C21orf58: variants seen among roughly 807,000 people sequenced by gnomAD.
The protein encoded by C21orf58 is uncharacterized protein C21orf58.
In C21orf58, 34 loss-of-function variants were observed where a neutral mutation model predicts 35.8. That is an observed-to-expected ratio of 0.95 (90% CI 0.72 to 1.26). The LOEUF is 1.26. Ranked by LOEUF, C21orf58 falls within the 50% of genes most tolerant of loss-of-function variation. The probability of loss-of-function intolerance (pLI) is 0.00; values close to 1 mark genes in which losing one functional copy is unlikely to be tolerated. For synonymous variants in C21orf58, 191 were observed against 175.8 expected, an observed-to-expected ratio of 1.09 and a Z score of -0.68; for missense variants, 440 against 414.3, an observed-to-expected ratio of 1.06 and a Z score of -0.54.
Position 46,322,952 on chromosome 21 carries a change from G to GC in C21orf58, c.-215dup. The GC allele has an allele frequency of 2.4e-6, 1 of 414,534 alleles. No homozygotes were observed. Among genetic ancestry groups the GC allele is most frequent in the Non-Finnish European group, 4.2e-6 (1 of 237,132 alleles). The allele number at this position is 414,534 out of a possible 1,614,324, so 25.7% of individuals were successfully genotyped here. A position where few individuals can be genotyped will look rare whatever the true frequency, so the allele number is the denominator to read the frequency against. On this transcript the variant is annotated 5_prime_UTR_variant, in exon 1 of 8. An upstream open reading frame in the 5' UTR loses its in-frame stop. Coordinates refer to ENST00000291691, the MANE Select transcript of C21orf58 (RefSeq NM_058180.5). Reference sequence around the variant, plus strand: ...CACGGCCCTCCACGACGAACCTTTTGCAAGTGAAGGCGCACGAACAGGCCC... The same window carrying GC: ...CACGGCCCTCCACGACGAACCTTTTGCCAAGTGAAGGCGCACGAACAGGCCC...
chr21:46,305,501 G>T (rs1408370740), intron 6 of C21orf58, among the ~76,000 whole-genome samples: 2 of 151,634 alleles, frequency 1.3e-5, no homozygotes, highest in Non-Finnish European at 2.9e-5. Context: ...AACTAATTTT[G>T]ATATGTTTTG....
chr21:46,314,794 C>G lies in C21orf58; in HGVS notation c.531G>C (p.Glu177Asp). ...TGGGTAGGATGCCCGTGGGGGGCAG[C>G]TCTGGGGGCAGGGCTGACCCGAGGG... The part of the protein sequence containing the change: ...RGALGSALPP[E>D]LPPTGILPTA... The change falls in exon 5 of 8, where the codon GAG (glutamate) becomes GAC (aspartate). Residue 177 changes from glutamate to aspartate, a missense_variant. Glu to Asp is a conservative substitution (Grantham distance 45). Transcript: ENST00000291691. 2 of 1,539,542 alleles carry G rather than the reference C, an allele frequency of 1.3e-6. No homozygotes were observed. Among genetic ancestry groups the G allele is most frequent in the Non-Finnish European group, 1.8e-6 (2 of 1,139,294 alleles).
intron 6 of C21orf58, among the ~76,000 whole-genome samples, chr21:46,303,732 TATATA>T (rs2082257919): frequency 3.2e-5 from 1 of 31,710 alleles, no homozygotes; most frequent in Non-Finnish European, 5.7e-5. Context: ...TATATATATA[TATATA>T]TATATATATT....
At position 46,310,802 on chromosome 21, in the gene C21orf58, A is replaced by ACT. The variant is rs199803190; in HGVS notation, c.721+652_721+653dup. Among the ~76,000 whole-genome samples, 725 of 149,390 alleles carry ACT rather than the reference A, an allele frequency of 4.9e-3. 5 individuals are homozygous for ACT. Among genetic ancestry groups the ACT allele is most frequent in the East Asian group, 0.019 (99 of 5,112 alleles). ...TCCAGCCTGGGCAACAAAGTAAGAC[A>ACT]CTCTCTCTCTCTCTCTCTAAATAAA... On this transcript the variant is annotated intron_variant, in intron 6 of 7. Coordinates refer to ENST00000291691, the MANE Select transcript of C21orf58 (RefSeq NM_058180.5).
In C21orf58 at chr21:46,318,070, A is replaced by G. The variant is rs772515868; in HGVS notation, c.251T>C (p.Met84Thr). Residue 84 changes from methionine (M) to threonine (T), a missense_variant, in exon 2 of 8, where the codon ATG becomes ACG. Coordinates refer to ENST00000291691, the MANE Select transcript of C21orf58 (RefSeq NM_058180.5). ...TTGCTCTGCTGCTGATGAGTCCAGC[A>G]TGGTGGGAGCTGCAGGAGACGACTG... Reference protein sequence around the residue: ...PLQSSPAAPTMLDSSAAEQVT... With the variant: ...PLQSSPAAPTTLDSSAAEQVT... 1.9e-6 allele frequency: 3 copies of G among 1,613,486 alleles called. No individual in the cohort carries two copies. The highest frequency in any genetic ancestry group is 1.7e-6 in the Non-Finnish European group (2 of 1,180,028).
chr21:46,322,481 C>G (rs1039407628), intron 1 of C21orf58, 158 bp downstream of exon 1: 2 of 985,282 alleles, frequency 2.0e-6, no homozygotes, highest in African/African-American at 3.5e-5. Flanking sequence ...CGGTCTGGGT[C>G]TCTGTTCCTG....
intron 2 of C21orf58, among the ~76,000 whole-genome samples, chr21:46,317,589 T>C (rs1338425929): frequency 6.6e-6 from 1 of 152,210 alleles, no homozygotes. Context: ...AGCCAGTGCA[T>C]GCCTAGATCA....
chr21:46,315,260 T>C, intron 4 of C21orf58: 1 of 592,704 alleles, frequency 1.7e-6, no homozygotes, highest in Non-Finnish European at 3.0e-6. Context: ...GAATTTCAGG[T>C]CCTCCTGGAA....
intron 6 of C21orf58, among the ~76,000 whole-genome samples, chr21:46,304,276 C>T (rs1414889826): frequency 5.9e-5 from 9 of 151,870 alleles, no homozygotes; most frequent in African/African-American, 9.7e-5. Flanking sequence ...ATGATCTGCC[C>T]GCCTCGGCCT....
At chr21:46,322,485 G>C (rs573355157) in intron 1 of C21orf58, 154 bp downstream of exon 1, 1 of 985,398 alleles carries the variant, frequency 1.0e-6, no homozygotes, top group South Asian at 4.7e-5. Flanking sequence ...CTGGGTCTCT[G>C]TTCCTGGAAA....
intron 1 of C21orf58, among the ~76,000 whole-genome samples, chr21:46,319,961 C>A (rs2083100371): frequency 6.6e-6 from 1 of 151,990 alleles, no homozygotes; most frequent in African/African-American, 2.4e-5. Context: ...TGGCTCTTGT[C>A]CACAGTCATT....
intron 6 of C21orf58, among the ~76,000 whole-genome samples, chr21:46,311,176 A>G (rs557819527): frequency 2.4e-4 from 37 of 152,264 alleles, no homozygotes; most frequent in South Asian, 1.5e-3. Flanking sequence ...GGCCCTAAAA[A>G]TTATTTTAAA....
In C21orf58 at chr21:46,311,452, T is replaced by A. The variant is rs970712399; in HGVS notation, c.721+4A>T. 2 of 1,538,120 alleles carry A rather than the reference T, an allele frequency of 1.3e-6. No individual in the cohort carries two copies. Among genetic ancestry groups the A allele is most frequent in the African/African-American group, 2.7e-5 (2 of 73,594 alleles). On this transcript the variant is annotated splice_donor_region_variant and intron_variant, in intron 6 of 7. Coordinates refer to ENST00000291691, the MANE Select transcript of C21orf58 (RefSeq NM_058180.5). Reference sequence around the variant, plus strand: ...CCACAACAATATGAATATGGAACACTTACCTTCCTTAATACTTCCTGACCG... The same window carrying A: ...CCACAACAATATGAATATGGAACACATACCTTCCTTAATACTTCCTGACCG...
chr21:46,313,555 C>T (rs1480995428), intron 5 of C21orf58, among the ~76,000 whole-genome samples: 1 of 152,214 alleles, frequency 6.6e-6, no homozygotes, highest in East Asian at 1.9e-4. Context: ...GCATAACTGG[C>T]CCTGATGGAT....
Position 46,301,760 on chromosome 21 carries a change from G to A in C21orf58, c.*239C>T. ...TGGGAGGGGCTGTTGCCCTGGTGGGGTTCACAGGCCCCTCACTGCAGGGGA... is the reference window on the plus strand; with the variant it reads ...TGGGAGGGGCTGTTGCCCTGGTGGGATTCACAGGCCCCTCACTGCAGGGGA... On this transcript the variant is annotated 3_prime_UTR_variant, in exon 8 of 8. Transcript: ENST00000291691. 8.2e-7 allele frequency: 1 copy of A among 1,225,960 alleles called. No individual in the cohort carries two copies. Among genetic ancestry groups the A allele is most frequent in the Non-Finnish European group, 1.0e-6 (1 of 984,182 alleles). The allele number at this position is 1,225,960 out of a possible 1,614,324, so 75.9% of individuals were successfully genotyped here. A position where few individuals can be genotyped will look rare whatever the true frequency, so the allele number is the denominator to read the frequency against.
chr21:46,308,675 T>C (rs1042941050), intron 6 of C21orf58, among the ~76,000 whole-genome samples: 1 of 151,814 alleles, frequency 6.6e-6, no homozygotes, highest in Non-Finnish European at 1.5e-5. Flanking sequence ...GGGCCTCTCA[T>C]TGCTATGGTT....
intron 6 of C21orf58, among the ~76,000 whole-genome samples, chr21:46,309,387 G>A (rs1355909935): frequency 1.3e-5 from 2 of 151,594 alleles, no homozygotes; most frequent in African/African-American, 2.4e-5. Context: ...GCTTGAACCC[G>A]GTGGGCAGAG....
At chr21:46,308,228 C>T (rs1343740234) in intron 6 of C21orf58, among the ~76,000 whole-genome samples, 18 of 152,146 alleles carry the variant, frequency 1.2e-4, no homozygotes, top group East Asian at 1.9e-4. Flanking sequence ...TTTGGGAGGC[C>T]GAAGGGGGCA....
intron 6 of C21orf58, 100 bp downstream of exon 6, chr21:46,311,356 C>A: frequency 3.7e-6 from 2 of 536,116 alleles, no homozygotes; most frequent in Non-Finnish European, 6.5e-6. Flanking sequence ...TGTTGAACAG[C>A]CAAAAGCTGG....
Sources: gnomAD v4.1 joint callset for allele counts (sites outside exome capture counted in the v4.1 genomes callset) on GRCh38, gnomAD v4.1.1 for gene constraint, MANE v1.5 for transcripts, NCBI Gene and HGNC (gene_info 2026-07-23, HGNC 2026-07-21) for gene names.